The following TMCO4 variants were observed in gnomAD, a reference collection of about 807,000 sequenced individuals.
The protein encoded by TMCO4 is transmembrane and coiled-coil domains 4.
A neutral mutation model predicts 64.7 loss-of-function variants in TMCO4; 58 were observed. The ratio of observed to expected loss-of-function variants is 0.90; its 90% CI spans 0.73 to 1.12. TMCO4 has a LOEUF of 1.12. TMCO4 is among the 50% of genes most tolerant of loss of function. TMCO4 has a pLI of 0.00. For missense variants in TMCO4, 780 were observed against 825.9 expected (o/e 0.94, Z 0.68); for synonymous variants, 325 against 346.1 (o/e 0.94, Z 0.68).
intron 6 of TMCO4, among the ~76,000 whole-genome samples, 154 bp from the exon 7 acceptor site, chr1:19,755,920 C>T (rs1012397594): frequency 6.6e-6 from 1 of 152,148 alleles, no homozygotes; most frequent in Non-Finnish European, 1.5e-5. Flanking sequence ...GTTGCCTGGA[C>T]AGAATACTAT....
At chr1:19,737,562 C>A in intron 12 of TMCO4, 106 bp from the exon 13 acceptor site, 1 of 951,274 alleles carries the variant, frequency 1.1e-6, no homozygotes, top group Non-Finnish European at 1.6e-6. Context: ...ACCTGATTCT[C>A]ATCTAATGAA....
rs911614598 is a variant in TMCO4 at position 19,732,459 on chromosome 1, C to T, written c.1264+4913G>A. Among the ~76,000 whole-genome samples the T allele has an allele frequency of 5.3e-5, 8 of 152,184 alleles. No homozygotes were observed. Among genetic ancestry groups the T allele is most frequent in the Non-Finnish European group, 8.8e-5 (6 of 68,030 alleles). On this transcript the variant is annotated intron_variant, in intron 13 of 15. Transcript: ENST00000294543. The surrounding 1 kb of genome is among the most constrained non-coding windows in gnomAD (Gnocchi z 4.8). ...GGGATTACAGGCATGAGCCACTGGACCTGGCCTCAGTGTGTTCTTGACCAA... is the reference window on the plus strand; with the variant it reads ...GGGATTACAGGCATGAGCCACTGGATCTGGCCTCAGTGTGTTCTTGACCAA...
chr1:19,797,886 G>A (rs1571091018), intron 2 of TMCO4, among the ~76,000 whole-genome samples: 1 of 119,590 alleles, frequency 8.4e-6, no homozygotes, highest in Non-Finnish European at 1.7e-5. Flanking sequence ...AGAGAAGAAA[G>A]AAAGAGAGAG....
At position 19,740,757 on chromosome 1, in the gene TMCO4, G is replaced by A. The variant is rs747586950; in HGVS notation, c.1042+20C>T. 1.3e-6 allele frequency: 2 copies of A among 1,595,862 alleles called. No individual in the cohort carries two copies. The highest frequency in any genetic ancestry group is 2.2e-5 in the East Asian group (1 of 44,702). ...AGGCAGTGGGCATGCTGTTGTTGGG[G>A]GGCAGGTGGGGGCACTTACCAGACA... On this transcript the variant is annotated intron_variant, in intron 11 of 15. Coordinates refer to ENST00000294543, the MANE Select transcript of TMCO4 (RefSeq NM_181719.7).
At chr1:19,741,343 A>G (rs2095478151) in intron 10 of TMCO4, among the ~76,000 whole-genome samples, 1 of 152,234 alleles carries the variant, frequency 6.6e-6, no homozygotes. Context: ...TTAAGCTGCT[A>G]ATGACATACA....
rs1319680081 is a variant in TMCO4 at position 19,699,578 on chromosome 1, C to T, written c.1382+1190G>A. On this transcript the variant is annotated intron_variant, in intron 14 of 15. Transcript: ENST00000294543. ...CCTCCAGCCAATGCTGATGTGCAAG[C>T]CCCAGGCTGAACAACTGCCACCTGG... Among the ~76,000 whole-genome samples the T allele has an allele frequency of 3.3e-5, 5 of 151,500 alleles. No individual in the cohort carries two copies. The South Asian group carries it at 6.3e-4, about 19-fold the overall frequency.
At chr1:19,702,784 C>T (rs1335597751) in intron 13 of TMCO4, among the ~76,000 whole-genome samples, 1 of 152,124 alleles carries the variant, frequency 6.6e-6, no homozygotes, top group African/African-American at 2.4e-5. Flanking sequence ...AGCAAACAAA[C>T]ACCAAAGTGC....
chr1:19,690,320 C>T (rs946109831), intron 15 of TMCO4, among the ~76,000 whole-genome samples: 5 of 152,190 alleles, frequency 3.3e-5, no homozygotes, highest in African/African-American at 7.2e-5. Context: ...GGTCAGGGGC[C>T]GACTGAGCTG....
chr1:19,730,237 G>C (rs932454956), intron 13 of TMCO4, among the ~76,000 whole-genome samples: 1 of 152,194 alleles, frequency 6.6e-6, no homozygotes, highest in African/African-American at 2.4e-5. Context: ...CAGTGCATAA[G>C]TCACCACATT....
intron 13 of TMCO4, among the ~76,000 whole-genome samples, chr1:19,730,595 C>T (rs1221192924): frequency 6.6e-6 from 1 of 152,234 alleles, no homozygotes; most frequent in Non-Finnish European, 1.5e-5. Context: ...AAGTTGACCA[C>T]ACTGAGCTTG....
intron 2 of TMCO4, among the ~76,000 whole-genome samples, chr1:19,790,895 C>T (rs1279541246): frequency 6.6e-6 from 1 of 152,162 alleles, no homozygotes; most frequent in Non-Finnish European, 1.5e-5. Context: ...ATAGCAAAGA[C>T]ATGGAATCAG....
chr1:19,716,088 G>A (rs962405348), intron 13 of TMCO4, among the ~76,000 whole-genome samples: 4 of 152,138 alleles, frequency 2.6e-5, no homozygotes, highest in Admixed American at 6.5e-5. Context: ...AGGCCGAGGC[G>A]GGAGGATTGT....
chr1:19,709,518 T>C (rs2095320188), intron 13 of TMCO4, among the ~76,000 whole-genome samples: 1 of 152,200 alleles, frequency 6.6e-6, no homozygotes, highest in Admixed American at 6.5e-5. Flanking sequence ...AGCTGATATC[T>C]AGTGACAGCC....
At chr1:19,746,068 G>C (rs192353678) in intron 9 of TMCO4, among the ~76,000 whole-genome samples, 182 of 152,326 alleles carry the variant, frequency 1.2e-3, no homozygotes, top group African/African-American at 4.1e-3. Flanking sequence ...TGCATGACGA[G>C]GTTGGAGGAG....
At chr1:19,721,149 C>A (rs1450290535) in intron 13 of TMCO4, among the ~76,000 whole-genome samples, 2 of 151,980 alleles carry the variant, frequency 1.3e-5, no homozygotes, top group Non-Finnish European at 2.9e-5. Context: ...CCTGGTTATG[C>A]AAAATTCTGA....
chr1:19,783,044 AT>A (rs1160074998), intron 3 of TMCO4, among the ~76,000 whole-genome samples: 1 of 152,260 alleles, frequency 6.6e-6, no homozygotes, highest in Non-Finnish European at 1.5e-5. Context: ...TGTTTAAAAA[AT>A]AAAGGCACAA....
intron 6 of TMCO4, among the ~76,000 whole-genome samples, chr1:19,761,064 C>A (rs1478944807): frequency 6.6e-6 from 1 of 152,240 alleles, no homozygotes. Context: ...CTTATTGAAT[C>A]CTTATGACCC....
At chr1:19,789,166 C>T (rs775582108) in intron 2 of TMCO4, among the ~76,000 whole-genome samples, 29 of 152,096 alleles carry the variant, frequency 1.9e-4, no homozygotes, top group Admixed American at 3.9e-4. Flanking sequence ...CTTTGGGAGG[C>T]TGAGGCAGGC....
At chr1:19,771,276 C>A (rs1282396960) in intron 5 of TMCO4, 32 bp downstream of exon 5, 1 of 1,604,570 alleles carries the variant, frequency 6.2e-7, no homozygotes, top group Non-Finnish European at 8.5e-7. Flanking sequence ...GTTCTACTGT[C>A]CCCAGCAGCC....
Sources: allele counts gnomAD v4.1 joint callset (sites outside exome capture counted in the v4.1 genomes callset), GRCh38; gene constraint gnomAD v4.1.1; non-coding constraint Gnocchi (gnomAD v3.1); transcripts MANE v1.5; gene names NCBI Gene and HGNC (gene_info 2026-07-23, HGNC 2026-07-21).